HMGN5: variants seen among roughly 807,000 people sequenced by gnomAD.
HMGN5 encodes high mobility group nucleosome-binding domain-containing protein 5.
In HMGN5, 4 loss-of-function variants were observed where a neutral mutation model predicts 9.5. That is an observed-to-expected ratio of 0.42 (90% CI 0.21 to 0.96). HMGN5 has a LOEUF of 0.96. HMGN5 is among the 40% of genes least tolerant of loss of function. HMGN5 has a pLI of 0.30. For synonymous variants in HMGN5, 55 were observed against 57.1 expected (o/e 0.96, Z 0.16); for missense variants, 192 against 187.5 (o/e 1.02, Z -0.14).
At chrX:81,171,396 T>C (rs5959081) in intron 1 of HMGN5, among the ~76,000 whole-genome samples, 3,769 of 111,639 alleles carry the variant, frequency 0.034, 167 homozygotes, top group African/African-American at 0.12. Context: ...ACTTTTGAAC[T>C]CTGAATGTGT....
chrX:81,183,874 C>A (rs1243669789), intron 1 of HMGN5, among the ~76,000 whole-genome samples: 1 of 112,091 alleles, frequency 8.9e-6, no homozygotes, highest in Non-Finnish European at 1.9e-5. Flanking sequence ...TATTAAATGC[C>A]TATATTGCTG....
intron 1 of HMGN5, among the ~76,000 whole-genome samples, chrX:81,132,202 G>T (rs866770720): frequency 4.5e-5 from 5 of 111,065 alleles, no homozygotes; most frequent in Middle Eastern, 4.6e-3. Context: ...ACTGCTCAAA[G>T]AAATCAGAGA....
intron 1 of HMGN5, among the ~76,000 whole-genome samples, chrX:81,191,328 C>G (rs2075493667): frequency 9.0e-6 from 1 of 111,305 alleles, no homozygotes; most frequent in African/African-American, 3.3e-5. Context: ...GAGGTAATAG[C>G]AGGTATTCAT....
chrX:81,190,926 A>T (rs1245091895), intron 1 of HMGN5, among the ~76,000 whole-genome samples: 1 of 111,187 alleles, frequency 9.0e-6, no homozygotes, highest in African/African-American at 3.3e-5. Flanking sequence ...CCCTTGATCT[A>T]TTTGTTCTTT....
chrX:81,198,164 TG>T (rs1408028359), intron 1 of HMGN5, among the ~76,000 whole-genome samples: 1 of 111,713 alleles, frequency 9.0e-6, no homozygotes, highest in Non-Finnish European at 1.9e-5. Context: ...ATGAATAGTG[TG>T]GGCCTAGATT....
chrX:81,142,447 A>G (rs1710570193), intron 1 of HMGN5, among the ~76,000 whole-genome samples: 1 of 112,034 alleles, frequency 8.9e-6, no homozygotes, highest in African/African-American at 3.2e-5. Flanking sequence ...AAGGATGAAG[A>G]AAGAATCCTA....
intron 1 of HMGN5, among the ~76,000 whole-genome samples, chrX:81,129,066 G>C (rs757384495): frequency 9.0e-6 from 1 of 111,524 alleles, no homozygotes; most frequent in Non-Finnish European, 1.9e-5. Context: ...TTTCCAGAAA[G>C]CAGAGGAGGT....
At chrX:81,192,413 C>T (rs184724396) in intron 1 of HMGN5, among the ~76,000 whole-genome samples, 113 of 111,071 alleles carry the variant, frequency 1.0e-3, no homozygotes, top group Non-Finnish European at 1.3e-3. Flanking sequence ...ACAACCTGGG[C>T]CTATAGTTTA....
At chrX:81,147,456 A>G (rs1329432265) in intron 1 of HMGN5, among the ~76,000 whole-genome samples, 1 of 111,817 alleles carries the variant, frequency 8.9e-6, no homozygotes, top group Non-Finnish European at 1.9e-5. Context: ...AACGCTCAAT[A>G]TACTAGGTAT....
intron 1 of HMGN5, among the ~76,000 whole-genome samples, chrX:81,166,372 A>G (rs1276686682): frequency 8.9e-6 from 1 of 111,811 alleles, no homozygotes; most frequent in Non-Finnish European, 1.9e-5. Context: ...CTACATATGT[A>G]TACTTTCTAT....
chrX:81,197,862 G>A (rs1252676545), intron 1 of HMGN5: 2 of 109,921 alleles, frequency 1.8e-5, no homozygotes, highest in African/African-American at 3.3e-5. Flanking sequence ...TGCATAGGCC[G>A]AAAAGTGCAA....
At chrX:81,124,149 C>A (rs1282077533) in intron 1 of HMGN5, among the ~76,000 whole-genome samples, 2 of 112,198 alleles carry the variant, frequency 1.8e-5, no homozygotes, top group Non-Finnish European at 3.8e-5. Flanking sequence ...CGTGTTGCAA[C>A]TGTGATTTAT....
At chrX:81,141,472 GAGAGAGAGAGAGAGAGAGAA>G (rs1450184177) in intron 1 of HMGN5, among the ~76,000 whole-genome samples, 2 of 108,943 alleles carry the variant, frequency 1.8e-5, no homozygotes, top group Non-Finnish European at 3.8e-5. Context: ...CAGAGAGAGA[GAGAGAGAGAGAGAGAGAGAA>G]AGAGAGAGAG....
At chrX:81,116,679 T>C (rs1223119991) in intron 5 of HMGN5, among the ~76,000 whole-genome samples, 1 of 112,114 alleles carries the variant, frequency 8.9e-6, no homozygotes, top group Middle Eastern at 4.2e-3. Context: ...ATCAATTAAT[T>C]CCCTCTGTCT....
chrX:81,156,567 G>C (rs908171234), intron 1 of HMGN5, among the ~76,000 whole-genome samples: 4 of 110,924 alleles, frequency 3.6e-5, no homozygotes, highest in Admixed American at 9.6e-5. Flanking sequence ...CCCTTTATTT[G>C]CTTTATTTAT....
chrX:81,171,136 G>T (rs1266335850), intron 1 of HMGN5, among the ~76,000 whole-genome samples: 1 of 111,345 alleles, frequency 9.0e-6, no homozygotes, highest in Non-Finnish European at 1.9e-5. Context: ...CATCTTATTT[G>T]TGTACTGTTA....
intron 1 of HMGN5, among the ~76,000 whole-genome samples, chrX:81,130,652 C>T (rs940263039): frequency 6.3e-5 from 7 of 110,425 alleles, no homozygotes; most frequent in African/African-American, 2.3e-4. Flanking sequence ...TCAGTTCTCC[C>T]TGAGATACCC....
At chrX:81,187,556 A>AT (rs1195171782) in intron 1 of HMGN5, among the ~76,000 whole-genome samples, 1 of 110,934 alleles carries the variant, frequency 9.0e-6, no homozygotes, top group Non-Finnish European at 1.9e-5. Flanking sequence ...TATGGAATAT[A>AT]TTTTTATATC....
At chrX:81,150,792 A>G (rs2075359457) in intron 1 of HMGN5, among the ~76,000 whole-genome samples, 2 of 111,520 alleles carry the variant, frequency 1.8e-5, no homozygotes, top group East Asian at 2.8e-4. Flanking sequence ...AGGAGGCATT[A>G]CAATTGACAC....
Sources: allele counts gnomAD v4.1 joint callset (sites outside exome capture counted in the v4.1 genomes callset), GRCh38; gene constraint gnomAD v4.1.1; transcripts MANE v1.5; gene names NCBI Gene and HGNC (gene_info 2026-07-23, HGNC 2026-07-21).